The following JAK1 variants were observed in gnomAD, a reference collection of about 807,000 sequenced individuals.
JAK1 encodes Janus kinase 1, also known as tyrosine-protein kinase JAK1.
Under a neutral mutation model 136.6 loss-of-function variants are expected in JAK1, and 16 were observed. That is an observed-to-expected ratio of 0.12 (90% CI 0.08 to 0.18). The LOEUF (loss-of-function observed/expected upper bound fraction) is 0.18. Among genes scored for constraint, JAK1 ranks in the 10% least tolerant of loss-of-function variants. The pLI, the probability that JAK1 is intolerant of heterozygous loss-of-function variation, is 1.00. For synonymous variants in JAK1, 492 were observed against 519.5 expected, an observed-to-expected ratio of 0.95 and a Z score of 0.72; for missense variants, 859 against 1,450.1, an observed-to-expected ratio of 0.59 and a Z score of 6.62.
At chr1:64,915,943 T>A (rs1405295229) in intron 1 of JAK1, among the ~76,000 whole-genome samples, 2 of 152,078 alleles carry the variant, frequency 1.3e-5, no homozygotes, top group African/African-American at 4.8e-5. Context: ...TGGCAGCCAG[T>A]CCCTAGCCCT....
chr1:65,019,536 T>G (rs896155852), intron 2 of JAK1, among the ~76,000 whole-genome samples: 2 of 148,176 alleles, frequency 1.3e-5, no homozygotes, highest in African/African-American at 5.0e-5. Context: ...ATCAGCAAAC[T>G]TGAAATAAAA....
At chr1:64,978,123 C>T (rs1646513049) in intron 2 of JAK1, among the ~76,000 whole-genome samples, 2 of 151,900 alleles carry the variant, frequency 1.3e-5, no homozygotes, top group Admixed American at 1.3e-4. Context: ...ACTAAAAATA[C>T]AAAAATTAGC....
intron 1 of JAK1, among the ~76,000 whole-genome samples, chr1:64,897,418 A>G (rs2101427640): frequency 7.0e-6 from 1 of 143,104 alleles, no homozygotes; most frequent in South Asian, 2.4e-4. Context: ...GCAAGACTGC[A>G]TCCCAAAAGA....
intron 2 of JAK1, among the ~76,000 whole-genome samples, chr1:65,028,125 C>T (rs1261355091): frequency 1.3e-5 from 2 of 152,040 alleles, no homozygotes; most frequent in African/African-American, 4.8e-5. Flanking sequence ...GAAATATTTC[C>T]TTTGCCTGGA....
chr1:64,895,482 G>A (rs1224647916), intron 1 of JAK1, among the ~76,000 whole-genome samples: 1 of 152,138 alleles, frequency 6.6e-6, no homozygotes, highest in Non-Finnish European at 1.5e-5. Flanking sequence ...GCAAATATAA[G>A]AAAGTGAATA....
intron 2 of JAK1, among the ~76,000 whole-genome samples, chr1:64,999,910 T>C (rs1017342203): frequency 6.6e-6 from 1 of 151,926 alleles, no homozygotes; most frequent in Non-Finnish European, 1.5e-5. Flanking sequence ...GTCTGGCATG[T>C]GATGGGCACT....
chr1:64,839,991 C>T (rs544170036), intron 19 of JAK1, among the ~76,000 whole-genome samples, 196 bp from the exon 20 acceptor site: 1 of 152,212 alleles, frequency 6.6e-6, no homozygotes, highest in Admixed American at 6.5e-5. Context: ...ACAAACTGTC[C>T]CCTCAGTTAC....
intron 1 of JAK1, among the ~76,000 whole-genome samples, chr1:64,947,954 A>G (rs1270197515): frequency 6.6e-6 from 1 of 152,226 alleles, no homozygotes; most frequent in Non-Finnish European, 1.5e-5. Flanking sequence ...AGATTTAGAA[A>G]TACAAATGTT....
intron 11 of JAK1, among the ~76,000 whole-genome samples, chr1:64,853,302 T>C (rs562797671): frequency 6.6e-6 from 1 of 152,308 alleles, no homozygotes; most frequent in East Asian, 1.9e-4. Context: ...GTGCCTGCTC[T>C]AAAGTCCTAG....
At chr1:65,011,817 C>A (rs745348262) in intron 2 of JAK1, among the ~76,000 whole-genome samples, 21 of 152,132 alleles carry the variant, frequency 1.4e-4, no homozygotes, top group Non-Finnish European at 2.6e-4. Flanking sequence ...ATGAAAAGTT[C>A]TCTTGATCCC....
At chr1:64,901,312 T>C (rs576200128) in intron 1 of JAK1, among the ~76,000 whole-genome samples, 2 of 152,342 alleles carry the variant, frequency 1.3e-5, no homozygotes, top group Non-Finnish European at 2.9e-5. Context: ...TTTTATAATA[T>C]TAAATGTGTA....
chr1:65,058,009 T>A (rs1647626220), intron 1 of JAK1, among the ~76,000 whole-genome samples: 1 of 152,210 alleles, frequency 6.6e-6, no homozygotes, highest in East Asian at 1.9e-4. Flanking sequence ...ACAATTTCAA[T>A]ACTGTTCAAC....
At chr1:64,839,967 G>A (rs1464160927) in intron 19 of JAK1, among the ~76,000 whole-genome samples, 172 bp from the exon 20 acceptor site, 6 of 152,170 alleles carry the variant, frequency 3.9e-5, no homozygotes, top group Non-Finnish European at 5.9e-5. Flanking sequence ...CAGCCCCCTC[G>A]CTCTCTTGGC....
At chr1:64,996,491 A>C (rs908475155) in intron 2 of JAK1, among the ~76,000 whole-genome samples, 1 of 152,266 alleles carries the variant, frequency 6.6e-6, no homozygotes, top group Non-Finnish European at 1.5e-5. Flanking sequence ...GTAGAGAAAA[A>C]GAAACAAATC....
chr1:64,873,124 A>C (rs1657174258), intron 5 of JAK1, among the ~76,000 whole-genome samples: 1 of 152,224 alleles, frequency 6.6e-6, no homozygotes, highest in African/African-American at 2.4e-5. Context: ...GAGGTGGGGA[A>C]AAGGAAAGGA....
chr1:64,883,951 T>G (rs1222551561), intron 2 of JAK1, among the ~76,000 whole-genome samples: 1 of 152,060 alleles, frequency 6.6e-6, no homozygotes, highest in Non-Finnish European at 1.5e-5. Flanking sequence ...CATCTCCCAC[T>G]AAAAAGCAAG....
chr1:64,837,569 T>G (rs1001109067), intron 22 of JAK1, among the ~76,000 whole-genome samples: 1 of 152,220 alleles, frequency 6.6e-6, no homozygotes, highest in Admixed American at 6.5e-5. Context: ...AGCCTCCCTC[T>G]GCAGGAATGT....
At position 64,995,402 on chromosome 1, in the gene JAK1, C is replaced by T. The variant is rs373173878; in HGVS notation, c.-78+49078G>A. On this transcript the variant is annotated intron_variant, in intron 2 of 25. Coordinates refer to the JAK1 transcript ENST00000671954. ...ATCAGACGCCACTGAATGCCCTAAA[C>T]GGAACTAATAGCATTGAATTAGGAG... is the stretch of plus-strand genomic sequence containing the variant. Among the ~76,000 whole-genome samples the T allele has an allele frequency of 2.1e-4, 32 of 152,252 alleles. 5 individuals are homozygous for T. Among genetic ancestry groups the T allele is most frequent in the Admixed American group, 3.9e-4 (6 of 15,296 alleles).
chr1:64,994,632 C>T (rs1646687381), intron 2 of JAK1, among the ~76,000 whole-genome samples: 1 of 152,178 alleles, frequency 6.6e-6, no homozygotes, highest in African/African-American at 2.4e-5. Context: ...TGATTAGGCT[C>T]CATTTCCCAA....
Sources: allele counts gnomAD v4.1 joint callset (sites outside exome capture counted in the v4.1 genomes callset), GRCh38; gene constraint gnomAD v4.1.1; transcripts MANE v1.5; gene names NCBI Gene and HGNC (gene_info 2026-07-23, HGNC 2026-07-21).